Variants in DNAH1 observed in about 807,000 individuals in gnomAD.
DNAH1 encodes the protein dynein axonemal heavy chain 1, also known as axonemal beta dynein heavy chain 1.
DNAH1 carries 327 observed loss-of-function variants against 484.3 expected under a neutral mutation model. The ratio of observed to expected loss-of-function variants is 0.68; its 90% CI spans 0.62 to 0.74. DNAH1 has a LOEUF of 0.74. Among genes scored for constraint, DNAH1 ranks in the 30% least tolerant of loss-of-function variants. DNAH1 has a pLI of 0.00. For missense variants in DNAH1, 5,052 were observed against 5,546.8 expected (o/e 0.91, Z 2.83); for synonymous variants, 2,192 against 2,191.9 (o/e 1.00, Z 0.00).
chr3:52,323,906 G>A (rs773352826), intron 3 of DNAH1, 26 bp downstream of exon 3: 16 of 1,539,194 alleles, frequency 1.0e-5, no homozygotes, highest in Non-Finnish European at 1.4e-5. Flanking sequence ...GGCTGTGTGA[G>A]TGGGTCCCGG....
chr3:52,369,812 G>C lies in DNAH1; in HGVS notation c.5944-13G>C, dbSNP rs372161744. 1.9e-6 allele frequency: 3 copies of C among 1,596,760 alleles called. No individual in the cohort carries two copies. In the South Asian group the frequency reaches 3.3e-5, roughly 18 times the overall value. On this transcript the variant is annotated splice_polypyrimidine_tract_variant and intron_variant, in intron 37 of 77. Transcript: ENST00000420323. ...GGCAGCCAGCCCACTCATTTGGTTCGTCTTGGCACCAGGCAATGACCATGA... is the reference window on the plus strand; with the variant it reads ...GGCAGCCAGCCCACTCATTTGGTTCCTCTTGGCACCAGGCAATGACCATGA...
At chr3:52,311,044 T>A in the DNAH1 span, among the ~76,000 whole-genome samples, 2 of 152,132 alleles carry the variant, frequency 1.3e-5, no homozygotes, top group African/African-American at 4.8e-5. Flanking sequence ...CACCCCCTTG[T>A]TTTTCACACC....
At chr3:52,323,787 G>C in intron 2 of DNAH1, 21 bp from the exon 3 acceptor site, 1 of 1,580,408 alleles carries the variant, frequency 6.3e-7, no homozygotes, top group Non-Finnish European at 8.6e-7. Flanking sequence ...ACATACTCAG[G>C]GCTCCATGGT....
At chr3:52,383,338 A>G in intron 50 of DNAH1, 48 bp from the exon 51 acceptor site, 3 of 1,542,552 alleles carry the variant, frequency 1.9e-6, no homozygotes, top group African/African-American at 2.7e-5. Context: ...GTGGTCATAT[A>G]GTCCAACATG....
Position 52,345,722 on chromosome 3 carries a change from G to A in DNAH1, c.1656+16G>A. On this transcript the variant is annotated intron_variant, in intron 10 of 77. Transcript: ENST00000420323. ...CTTCTCCCAGGTTTGTGGGCATCAAGGGCACAGGGGGCAAACGCAGGGCAG... is the reference window on the plus strand; with the variant it reads ...CTTCTCCCAGGTTTGTGGGCATCAAAGGCACAGGGGGCAAACGCAGGGCAG... The A allele has an allele frequency of 6.2e-7, 1 of 1,605,004 alleles. No homozygotes were observed. The highest frequency in any genetic ancestry group is 8.5e-7 in the Non-Finnish European group (1 of 1,175,402).
rs1466984378 is a variant in DNAH1 at position 52,378,141 on chromosome 3, G to GCAGC, written c.7199-459_7199-456dup. On this transcript the variant is annotated intron_variant, in intron 46 of 77. Transcript: ENST00000420323. ...GGTAAAAATGCAGGCTGAGGGGTAG[G>GCAGC]CAGCCCCGAAGTGGGTGGTAAGCCC... 5.9e-5 allele frequency among the ~76,000 whole-genome samples: 9 copies of GCAGC among 152,176 alleles called. No individual in the cohort carries two copies. In the East Asian group the frequency reaches 1.7e-3, roughly 30 times the overall value.
rs1295311826 is a variant in DNAH1, at chr3:52,370,001, C to G, written c.6120C>G (p.Leu2040=). 6.2e-7 allele frequency: 1 copy of G among 1,613,330 alleles called. No individual in the cohort carries two copies. Among genetic ancestry groups the G allele is most frequent in the Non-Finnish European group, 8.5e-7 (1 of 1,179,406 alleles). Residue 2040 remains leucine, a synonymous_variant, in exon 38 of 78, where the codon CTC becomes CTG. Coordinates refer to ENST00000420323, the MANE Select transcript of DNAH1 (RefSeq NM_015512.5). ...LKPYEEHFKA[L]FVSFLEESIS... ...CCTATGAGGAGCATTTCAAGGCCCTCTTTGTCAGCTTCCTGGAGGTGAGTG... is the reference window on the plus strand; with the variant it reads ...CCTATGAGGAGCATTTCAAGGCCCTGTTTGTCAGCTTCCTGGAGGTGAGTG...
At chr3:52,342,839 T>C (rs1412499223) in intron 8 of DNAH1, among the ~76,000 whole-genome samples, 1 of 152,100 alleles carries the variant, frequency 6.6e-6, no homozygotes, top group African/African-American at 2.4e-5. Context: ...CCAGTGTCAG[T>C]GTTGAGTGGG....
At chr3:52,329,649 A>AC (rs775674482) in intron 6 of DNAH1, among the ~76,000 whole-genome samples, 1 of 151,886 alleles carries the variant, frequency 6.6e-6, no homozygotes, top group Non-Finnish European at 1.5e-5. Context: ...AACAGATGAA[A>AC]CCCCGTCTTT....
intron 8 of DNAH1, among the ~76,000 whole-genome samples, chr3:52,342,817 G>T (rs1306787945): frequency 6.6e-6 from 1 of 152,232 alleles, no homozygotes; most frequent in Non-Finnish European, 1.5e-5. Context: ...GTTCTGACAC[G>T]TTGTAAGGCA....
chr3:52,356,106 C>A (rs184887593), intron 21 of DNAH1, among the ~76,000 whole-genome samples: 1 of 152,300 alleles, frequency 6.6e-6, no homozygotes, highest in East Asian at 1.9e-4. Context: ...GAGATACATC[C>A]TGAATGGGGA....
At chr3:52,347,139 A>G (rs1423300753) in intron 11 of DNAH1, among the ~76,000 whole-genome samples, 1 of 152,204 alleles carries the variant, frequency 6.6e-6, no homozygotes, top group African/African-American at 2.4e-5. Context: ...GGGCCATGAT[A>G]GACACTGGGG....
chr3:52,357,406 A>T (rs1171608357), intron 22 of DNAH1, among the ~76,000 whole-genome samples: 1 of 152,170 alleles, frequency 6.6e-6, no homozygotes, highest in Non-Finnish European at 1.5e-5. Context: ...CAAACTCTTT[A>T]GCTTTGTTTA....
intron 3 of DNAH1, 36 bp from the exon 4 acceptor site, chr3:52,326,104 G>T (rs1275165957): frequency 3.3e-6 from 5 of 1,509,614 alleles, no homozygotes; most frequent in Non-Finnish European, 4.4e-6. Context: ...GTGCTGGCCT[G>T]AGCCCTGAAG....
At chr3:52,397,567 A>T in intron 73 of DNAH1, 140 bp from the exon 74 acceptor site, 1 of 783,026 alleles carries the variant, frequency 1.3e-6, no homozygotes, top group Non-Finnish European at 2.0e-6. Flanking sequence ...GAGTCCCAAG[A>T]GCAGGGACAT....
rs756044999 is a variant in DNAH1, at chr3:52,366,762, G to A, written c.5640G>A (p.Thr1880=). The change falls in exon 36 of 78, where the codon ACG becomes ACA. Residue 1880 remains threonine (T), a synonymous_variant. Coordinates refer to ENST00000420323, the MANE Select transcript of DNAH1 (RefSeq NM_015512.5). ...ACAGAGTCCTGGCAGCTGCCATGAC[G>A]TCACTGAAAGGGCAGCCATCCATCA... The part of the protein sequence containing the change: ...TCYRVLAAAM[T]SLKGQPSISG... The A allele has an allele frequency of 1.2e-5, 19 of 1,613,344 alleles. No homozygotes were observed. The highest frequency in any genetic ancestry group is 9.9e-5 in the South Asian group (9 of 91,054).
chr3:52,382,381 G>T lies in DNAH1; in HGVS notation c.7867G>T (p.Asp2623Tyr). 1 of 1,614,010 alleles carries T rather than the reference G, an allele frequency of 6.2e-7. No homozygotes were observed. The highest frequency in any genetic ancestry group is 8.5e-7 in the Non-Finnish European group (1 of 1,179,886). ...SKNYGMSEWR[D>Y]DVKKVLLKAG... The stretch of plus-strand genomic sequence containing the variant: ...GAACTACGGCATGTCCGAGTGGCGA[G>T]ATGATGTGAAGAAGGTCCTGCTCAA... Residue 2623 changes from aspartate (D) to tyrosine (Y), a missense_variant, in exon 50 of 78, where the codon GAT becomes TAT. Around this residue, in one of 4 missense-constraint regions of DNAH1, gnomAD observed 2,929 missense variants for 3,409.4 expected, o/e 0.86. Transcript: ENST00000420323.
Position 52,370,733 on chromosome 3 carries a change from C to A in DNAH1, c.6433C>A (p.Pro2145Thr). 1 of 1,603,944 alleles carries A rather than the reference C, an allele frequency of 6.2e-7. No individual in the cohort carries two copies. ...MENEQLTLLFPEEGLVFDYRL... is the reference protein window; with the variant it reads ...MENEQLTLLFTEEGLVFDYRL... ...TTCCCGGCAGCTGACTCTGCTTTTCCCAGAAGAGGGGCTGGTGTTCGATTA... is the reference window on the plus strand; with the variant it reads ...TTCCCGGCAGCTGACTCTGCTTTTCACAGAAGAGGGGCTGGTGTTCGATTA... Residue 2145 changes from proline to threonine, a missense_variant, in exon 41 of 78, where the codon CCA becomes ACA. By Grantham distance (38) the Pro-to-Thr change is conservative. Coordinates refer to ENST00000420323, the MANE Select transcript of DNAH1 (RefSeq NM_015512.5).
In DNAH1 at chr3:52,331,308, A is replaced by T; in HGVS notation, c.1032A>T (p.Glu344Asp). ...RPILNAGVTT[E>D]GRPPLQVCQY... ...TCCTGAATGCAGGGGTCACCACTGAAGGTATGAGGTCCTGCCGCTGCCCCA... is the reference window on the plus strand; with the variant it reads ...TCCTGAATGCAGGGGTCACCACTGATGGTATGAGGTCCTGCCGCTGCCCCA... Residue 344 changes from glutamate (E) to aspartate (D), a missense_variant and splice_region_variant, in exon 7 of 78, where the codon GAA (glutamate) becomes GAT (aspartate). Coordinates refer to ENST00000420323, the MANE Select transcript of DNAH1 (RefSeq NM_015512.5). 6.2e-7 allele frequency: 1 copy of T among 1,603,508 alleles called. No homozygotes were observed. Among genetic ancestry groups the T allele is most frequent in the South Asian group, 1.1e-5 (1 of 88,674 alleles).
Sources: allele counts gnomAD v4.1 joint callset (sites outside exome capture counted in the v4.1 genomes callset), GRCh38; gene constraint gnomAD v4.1.1; regional missense constraint gnomAD v4.1.1; transcripts MANE v1.5; gene names NCBI Gene and HGNC (gene_info 2026-07-23, HGNC 2026-07-21).